The following ZNF790 variants were observed in gnomAD, a reference collection of about 807,000 sequenced individuals.
The protein encoded by ZNF790 is zinc finger protein 790.
ZNF790 carries 8 observed loss-of-function variants against 12.1 expected under a neutral mutation model. The ratio of observed to expected loss-of-function variants is 0.66; its 90% CI spans 0.39 to 1.19. The LOEUF is 1.19. Ranked by LOEUF, ZNF790 falls within the 50% of genes most tolerant of loss-of-function variation. The pLI is 0.01. For synonymous variants in ZNF790, 252 were observed against 244.3 expected, an observed-to-expected ratio of 1.03 and a Z score of -0.29; for missense variants, 707 against 752.2, an observed-to-expected ratio of 0.94 and a Z score of 0.70.
intron 1 of ZNF790, chr19:36,828,068 G>A (rs2146048570): frequency 6.6e-6 from 1 of 152,238 alleles, no homozygotes; most frequent in East Asian, 1.9e-4. Flanking sequence ...GTGAAGGGCT[G>A]GAGAATAAAT....
intron 4 of ZNF790, among the ~76,000 whole-genome samples, chr19:36,821,729 G>A (rs1310806874): frequency 2.6e-5 from 4 of 151,962 alleles, no homozygotes; most frequent in African/African-American, 7.3e-5. Context: ...GATTACAGGC[G>A]CCCACCCCCA....
chr19:36,847,037 C>T (rs990263219), intron 1 of ZNF790, among the ~76,000 whole-genome samples: 1 of 140,196 alleles, frequency 7.1e-6, no homozygotes, highest in African/African-American at 2.5e-5. Context: ...CTTGTAGTTT[C>T]CTAAACAGAG....
At chr19:36,831,469 C>A (rs1362536377) in intron 1 of ZNF790, among the ~76,000 whole-genome samples, 1 of 152,046 alleles carries the variant, frequency 6.6e-6, no homozygotes, top group Non-Finnish European at 1.5e-5. Flanking sequence ...GTGGTCCCAG[C>A]TACTTGGGAG....
chr19:36,838,294 GC>G lies in ZNF790; in HGVS notation c.-74+42del, dbSNP rs2072093225. On this transcript the variant is annotated intron_variant, in intron 1 of 4. Transcript: ENST00000356725. This position sits in a 1 kb window ranked among gnomAD's most constrained non-coding sequence, Gnocchi z 4.4. Reference sequence around the variant, plus strand: ...TCACTCCCCTCAGCCCCGGCCTCGGGCCCTCCGGAGTCATTCGGCTTCTGTG... The same window carrying G: ...TCACTCCCCTCAGCCCCGGCCTCGGGCCTCCGGAGTCATTCGGCTTCTGTG... 1 of 152,316 alleles carries G rather than the reference GC, an allele frequency of 6.6e-6. No homozygotes were observed. Among genetic ancestry groups the G allele is most frequent in the Admixed American group, 6.5e-5 (1 of 15,290 alleles). The allele number at this position is 152,316 out of a possible 1,614,324, so 9.4% of individuals were successfully genotyped here.
At chr19:36,845,673 G>T (rs948000116) in intron 1 of ZNF790, among the ~76,000 whole-genome samples, 3 of 152,092 alleles carry the variant, frequency 2.0e-5, no homozygotes, top group Non-Finnish European at 4.4e-5. Context: ...TAATCTTTCA[G>T]GTAATCACTA....
upstream of ZNF790, chr19:36,850,606 C>A (rs1192900329): frequency 1.3e-5 from 2 of 152,096 alleles, no homozygotes; most frequent in African/African-American, 4.8e-5. Flanking sequence ...GGAGGCCTGG[C>A]CAAGCAAAAA....
chr19:36,818,703 T>C lies in ZNF790; in HGVS notation c.1641A>G (p.Ser547=). ...GAATTTTCTTATGTCGTGTAAGCTG[T>C]GAACCCCAGATAAAAGATTTCCCAC... ...KECGKSFIWG[S]QLTRHKKIHT... Residue 547 remains serine (S), a synonymous_variant, in exon 5 of 5, where the codon TCA becomes TCG. Transcript: ENST00000356725. 6.2e-7 allele frequency: 1 copy of C among 1,613,724 alleles called. No homozygotes were observed. Among genetic ancestry groups the C allele is most frequent in the Non-Finnish European group, 8.5e-7 (1 of 1,179,898 alleles).
intron 1 of ZNF790, among the ~76,000 whole-genome samples, chr19:36,835,145 CG>C (rs1435220696): frequency 6.6e-6 from 1 of 152,112 alleles, no homozygotes; most frequent in African/African-American, 2.4e-5. Flanking sequence ...AAAAATTAGC[CG>C]GGCATGTTGG....
intron 1 of ZNF790, among the ~76,000 whole-genome samples, chr19:36,847,694 G>A (rs2072193098): frequency 6.7e-6 from 1 of 149,442 alleles, no homozygotes. Flanking sequence ...AGGTTGCAGT[G>A]AGCCAAGATC....
chr19:36,836,452 TAAA>T (rs542029807), intron 1 of ZNF790, among the ~76,000 whole-genome samples: 1 of 146,410 alleles, frequency 6.8e-6, no homozygotes, highest in African/African-American at 2.5e-5. Context: ...AAGACAAGCC[TAAA>T]AAAAAAACAC....
At chr19:36,833,788 G>C (rs1295659311) in intron 1 of ZNF790, among the ~76,000 whole-genome samples, 1 of 152,048 alleles carries the variant, frequency 6.6e-6, no homozygotes, top group Non-Finnish European at 1.5e-5. Flanking sequence ...TCAATTCCAG[G>C]TTTATATACC....
upstream of ZNF790, chr19:36,850,442 T>C (rs113064179): frequency 6.6e-6 from 1 of 152,374 alleles, no homozygotes; most frequent in Non-Finnish European, 1.5e-5. Flanking sequence ...CAACTTCCAA[T>C]ACAACAGCAG....
rs113526926 is a variant in ZNF790, at chr19:36,849,073, G to A, written c.-74+929C>T. Among the ~76,000 whole-genome samples the A allele has an allele frequency of 8.7e-3, 1,323 of 152,216 alleles. 23 individuals are homozygous for A. Among genetic ancestry groups the A allele is most frequent in the African/African-American group, 0.031 (1,274 of 41,542 alleles). ...CTCCCAAAGTGCTGGGATTACAGGC[G>A]TGAGCCACCGCACTCATGCTTGGTT... On this transcript the variant is annotated intron_variant, in intron 1 of 4. Coordinates refer to the ZNF790 transcript ENST00000528994.
chr19:36,843,778 G>T (rs2072150663), intron 1 of ZNF790, among the ~76,000 whole-genome samples: 1 of 152,016 alleles, frequency 6.6e-6, no homozygotes, highest in Admixed American at 6.6e-5. Flanking sequence ...GGAGGCCAAG[G>T]TGGGTGGATC....
chr19:36,848,389 G>GT (rs1290303949), intron 1 of ZNF790, among the ~76,000 whole-genome samples: 1 of 152,178 alleles, frequency 6.6e-6, no homozygotes, highest in Non-Finnish European at 1.5e-5. Flanking sequence ...AAAGGGCTGA[G>GT]TTCAAACAGC....
At chr19:36,824,248 C>T (rs918573144) in intron 2 of ZNF790, among the ~76,000 whole-genome samples, 5 of 151,742 alleles carry the variant, frequency 3.3e-5, no homozygotes, top group Non-Finnish European at 5.9e-5. Flanking sequence ...CCACCCGCCT[C>T]GGCCTCCCAA....
chr19:36,819,350 GA>G lies in ZNF790; in HGVS notation c.993del (p.His332ThrfsTer22), dbSNP rs751995789. On this transcript the variant is annotated frameshift_variant, in exon 5 of 5. Coordinates refer to ENST00000356725, the MANE Select transcript of ZNF790 (RefSeq NM_206894.4). LOFTEE classifies it low-confidence loss of function (END_TRUNC). ...QRSHLIKHQR[I>X]HTGEKPYECK... ...CATTCATAAGGTTTTTCACCAGTGT[GA>G]ATTCTCTGATGTTTAATAAGATGTG... 1 of 1,612,766 alleles carries G rather than the reference GA, an allele frequency of 6.2e-7. No homozygotes were observed. Among genetic ancestry groups the G allele is most frequent in the Non-Finnish European group, 8.5e-7 (1 of 1,179,270 alleles).
At chr19:36,824,086 TCC>T (rs2071741967) in intron 2 of ZNF790, among the ~76,000 whole-genome samples, 1 of 142,994 alleles carries the variant, frequency 7.0e-6, no homozygotes, top group Admixed American at 7.5e-5. Flanking sequence ...AAGCTCCGCC[TCC>T]CGGGTTCACG....
intron 1 of ZNF790, among the ~76,000 whole-genome samples, chr19:36,828,466 A>G (rs896017286): frequency 2.0e-5 from 3 of 151,116 alleles, no homozygotes; most frequent in African/African-American, 7.3e-5. Flanking sequence ...CCCTTCTCAA[A>G]AAAAAAAAAA....
Sources: gnomAD v4.1 joint callset for allele counts (sites outside exome capture counted in the v4.1 genomes callset) on GRCh38, gnomAD v4.1.1 for gene constraint, Gnocchi (gnomAD v3.1) non-coding constraint, MANE v1.5 for transcripts, NCBI Gene and HGNC (gene_info 2026-07-23, HGNC 2026-07-21) for gene names.